Variants in SCHIP1 observed in about 807,000 individuals in gnomAD.
SCHIP1 encodes the protein schwannomin interacting protein 1.
SCHIP1 carries 8 observed loss-of-function variants against 29.7 expected under a neutral mutation model. The ratio of observed to expected loss-of-function variants is 0.27; its 90% CI spans 0.16 to 0.49. SCHIP1 has a LOEUF of 0.49. Among genes scored for constraint, SCHIP1 ranks in the 20% least tolerant of loss-of-function variants. The pLI is 0.99. For missense variants in SCHIP1, 193 were observed against 294.6 expected (o/e 0.66, Z 2.52); for synonymous variants, 76 against 94.9 (o/e 0.80, Z 1.16).
the SCHIP1 span, among the ~76,000 whole-genome samples, chr3:159,807,992 C>G: frequency 2.6e-5 from 4 of 152,194 alleles, no homozygotes; most frequent in Non-Finnish European, 5.9e-5. Flanking sequence ...GAGCCCTGTT[C>G]TTCTTACTAT....
chr3:159,646,135 G>C, the SCHIP1 span, among the ~76,000 whole-genome samples: 1 of 152,122 alleles, frequency 6.6e-6, no homozygotes, highest in Non-Finnish European at 1.5e-5. Flanking sequence ...CAGAGCACAA[G>C]CTTTACTCTG....
the SCHIP1 span, among the ~76,000 whole-genome samples, chr3:159,576,814 G>A: frequency 1.3e-5 from 2 of 152,068 alleles, no homozygotes; most frequent in African/African-American, 4.8e-5. Flanking sequence ...CACACACTTA[G>A]GTTTACTAAG....
At chr3:159,467,765 AAATT>A in the SCHIP1 span, among the ~76,000 whole-genome samples, 4 of 152,146 alleles carry the variant, frequency 2.6e-5, no homozygotes, top group Non-Finnish European at 5.9e-5. Context: ...CTACACAATT[AAATT>A]AATTGATTTT....
chr3:159,494,292 CA>C, the SCHIP1 span, among the ~76,000 whole-genome samples: 1 of 151,768 alleles, frequency 6.6e-6, no homozygotes, highest in Non-Finnish European at 1.5e-5. Context: ...AAAAACTCTT[CA>C]AAAAAATCAG....
At chr3:159,337,567 G>A in the SCHIP1 span, among the ~76,000 whole-genome samples, 8 of 152,002 alleles carry the variant, frequency 5.3e-5, no homozygotes, top group African/African-American at 9.7e-5. Context: ...CAAACAGAGC[G>A]CCAAATCACG....
At chr3:159,455,638 C>A in the SCHIP1 span, among the ~76,000 whole-genome samples, 1 of 152,192 alleles carries the variant, frequency 6.6e-6, no homozygotes, top group Non-Finnish European at 1.5e-5. Context: ...GATTATGTAA[C>A]TTGTCAAGCT....
intron 2 of SCHIP1, among the ~76,000 whole-genome samples, chr3:159,885,775 C>T (rs2109429938): frequency 6.6e-6 from 1 of 152,350 alleles, no homozygotes; most frequent in South Asian, 2.1e-4. Flanking sequence ...CTTCAGAGAG[C>T]TGTGGCCTTG....
At chr3:159,338,987 C>T in the SCHIP1 span, among the ~76,000 whole-genome samples, 1 of 152,028 alleles carries the variant, frequency 6.6e-6, no homozygotes, top group Admixed American at 6.6e-5. Flanking sequence ...TGTGGTGCCT[C>T]AAGCAGATGA....
At chr3:159,820,311 A>C in the SCHIP1 span, among the ~76,000 whole-genome samples, 1 of 152,200 alleles carries the variant, frequency 6.6e-6, no homozygotes, top group Non-Finnish European at 1.5e-5. Context: ...TCCAGCCCCC[A>C]CAACCCTACC....
the SCHIP1 span, among the ~76,000 whole-genome samples, chr3:159,719,805 C>A: frequency 6.6e-6 from 1 of 152,178 alleles, no homozygotes; most frequent in Non-Finnish European, 1.5e-5. Flanking sequence ...ACTAGTTCAA[C>A]CATTGTGGAA....
the SCHIP1 span, among the ~76,000 whole-genome samples, chr3:159,580,686 T>C: frequency 1.3e-5 from 2 of 152,194 alleles, no homozygotes; most frequent in African/African-American, 4.8e-5. Context: ...AGACAGTACG[T>C]ACCCTTTTTC....
At chr3:159,391,108 C>T in the SCHIP1 span, among the ~76,000 whole-genome samples, 5 of 152,068 alleles carry the variant, frequency 3.3e-5, no homozygotes, top group African/African-American at 7.2e-5. Context: ...TGTGGGGACA[C>T]GCAGGGAATA....
At chr3:159,652,580 A>G in the SCHIP1 span, among the ~76,000 whole-genome samples, 1 of 151,648 alleles carries the variant, frequency 6.6e-6, no homozygotes, top group African/African-American at 2.4e-5. Flanking sequence ...AAACAAGACA[A>G]TTACAGCCAA....
chr3:159,497,862 C>T, the SCHIP1 span, among the ~76,000 whole-genome samples: 23 of 152,248 alleles, frequency 1.5e-4, no homozygotes, highest in Admixed American at 6.5e-4. Context: ...CCCTCCCTAC[C>T]GTGCCACTGC....
chr3:159,571,962 C>T, the SCHIP1 span, among the ~76,000 whole-genome samples: 36 of 152,178 alleles, frequency 2.4e-4, no homozygotes, highest in African/African-American at 4.1e-4. Context: ...TCTGTGGGAT[C>T]GGTGGTGATA....
chr3:159,637,010 T>G, the SCHIP1 span, among the ~76,000 whole-genome samples: 1 of 152,180 alleles, frequency 6.6e-6, no homozygotes, highest in African/African-American at 2.4e-5. Flanking sequence ...AGTTAACTTA[T>G]TGATATTACA....
intron 1 of SCHIP1, among the ~76,000 whole-genome samples, chr3:159,843,037 A>G (rs1744418713): frequency 3.3e-5 from 1 of 30,710 alleles, no homozygotes; most frequent in Non-Finnish European, 7.0e-5. Context: ...TTTGAGATGG[A>G]GTCTCACTCT....
chr3:159,808,402 A>G, the SCHIP1 span: 2 of 152,228 alleles, frequency 1.3e-5, no homozygotes, highest in South Asian at 2.1e-4. Context: ...TGCAGTTACA[A>G]ATGTTCATGT....
the SCHIP1 span, among the ~76,000 whole-genome samples, chr3:159,359,066 T>C: frequency 7.9e-4 from 120 of 151,694 alleles, no homozygotes; most frequent in African/African-American, 2.7e-3. Flanking sequence ...TAGCTGGGAC[T>C]ACAGGCGCAC....
Sources: allele counts gnomAD v4.1 joint callset (sites outside exome capture counted in the v4.1 genomes callset), GRCh38; gene constraint gnomAD v4.1.1; transcripts MANE v1.5; gene names NCBI Gene and HGNC (gene_info 2026-07-23, HGNC 2026-07-21).